Variants in PPP3CA observed in about 807,000 individuals in gnomAD.
PPP3CA encodes protein phosphatase 3 catalytic subunit alpha.
In PPP3CA, 14 loss-of-function variants were observed where a neutral mutation model predicts 66.5. The observed-to-expected ratio is 0.21, with a 90% CI of 0.14 to 0.33. The LOEUF (loss-of-function observed/expected upper bound fraction) is 0.33. Among genes scored for constraint, PPP3CA ranks in the 10% least tolerant of loss-of-function variants. The pLI is 1.00. For synonymous variants in PPP3CA, 232 were observed against 226.2 expected (o/e 1.03, Z -0.23); for missense variants, 317 against 639.5 (o/e 0.50, Z 5.44).
rs142454865 is a variant in PPP3CA, at chr4:101,156,051, G to A, written c.259+39865C>T. Among the ~76,000 whole-genome samples the A allele has an allele frequency of 6.0e-4, 91 of 152,298 alleles. 1 individual carries two copies. The highest frequency in any genetic ancestry group is 2.1e-3 in the African/African-American group (89 of 41,570). ...TGGTCAAGAGCTAGTAAAAGTCAGA[G>A]TGGGGTTTCACACCCAGACAGTCTG... is the stretch of plus-strand genomic sequence containing the variant. On this transcript the variant is annotated intron_variant, in intron 2 of 13. Transcript: ENST00000394854.
intron 12 of PPP3CA, among the ~76,000 whole-genome samples, chr4:101,029,551 T>G (rs1726844817): frequency 6.6e-6 from 1 of 151,978 alleles, no homozygotes; most frequent in Non-Finnish European, 1.5e-5. Context: ...CAACTGTGCT[T>G]CTGACTCACA....
chr4:101,026,206 C>T, intron 13 of PPP3CA, 145 bp from the exon 14 acceptor site: 2 of 629,170 alleles, frequency 3.2e-6, no homozygotes, highest in Non-Finnish European at 2.6e-6. Context: ...CTGCACACCA[C>T]ACAACAGACT....
At chr4:101,129,480 C>T (rs534908097) in intron 2 of PPP3CA, among the ~76,000 whole-genome samples, 11 of 152,314 alleles carry the variant, frequency 7.2e-5, no homozygotes, top group African/African-American at 2.6e-4. Context: ...GGTCAACAGA[C>T]ATCTCATATA....
chr4:101,246,868 G>A (rs1324783728), intron 1 of PPP3CA, among the ~76,000 whole-genome samples: 1 of 152,128 alleles, frequency 6.6e-6, no homozygotes, highest in Non-Finnish European at 1.5e-5. Flanking sequence ...CTCATTCTGA[G>A]CCAATTGACT....
chr4:101,142,345 T>G (rs562267350), intron 2 of PPP3CA, among the ~76,000 whole-genome samples: 1 of 152,192 alleles, frequency 6.6e-6, no homozygotes, highest in Non-Finnish European at 1.5e-5. Flanking sequence ...GCTTAGTGAA[T>G]CAGAAAAGAT....
intron 2 of PPP3CA, among the ~76,000 whole-genome samples, chr4:101,141,521 AC>A (rs1340622787): frequency 2.6e-5 from 4 of 152,194 alleles, no homozygotes; most frequent in African/African-American, 9.6e-5. Context: ...GCCAATTCTT[AC>A]CTCACGTCCT....
At chr4:101,172,156 G>A (rs1723904410) in intron 2 of PPP3CA, among the ~76,000 whole-genome samples, 1 of 152,142 alleles carries the variant, frequency 6.6e-6, no homozygotes, top group South Asian at 2.1e-4. Context: ...ATGACAGGCA[G>A]TGGAGGTATT....
At chr4:101,073,527 A>G (rs1299913153) in intron 8 of PPP3CA, among the ~76,000 whole-genome samples, 1 of 152,058 alleles carries the variant, frequency 6.6e-6, no homozygotes. Context: ...TGCCCGCCTC[A>G]GCCTCTCAAA....
chr4:101,044,327 T>C (rs983809831), intron 10 of PPP3CA, among the ~76,000 whole-genome samples: 38 of 152,330 alleles, frequency 2.5e-4, no homozygotes, highest in African/African-American at 8.9e-4. Flanking sequence ...AATAAGTACA[T>C]GTTTTTCAGA....
intron 2 of PPP3CA, among the ~76,000 whole-genome samples, chr4:101,125,115 G>C (rs1042411725): frequency 2.6e-5 from 4 of 152,096 alleles, no homozygotes; most frequent in African/African-American, 7.2e-5. Flanking sequence ...AGGCAGGGGG[G>C]GTATAAGATA....
At chr4:101,142,556 A>G (rs1722843913) in intron 2 of PPP3CA, among the ~76,000 whole-genome samples, 1 of 151,360 alleles carries the variant, frequency 6.6e-6, no homozygotes, top group South Asian at 2.1e-4. Context: ...CTCACAACCT[A>G]CTCCACCCAC....
At chr4:101,227,408 C>A (rs1304664301) in intron 1 of PPP3CA, among the ~76,000 whole-genome samples, 4 of 151,522 alleles carry the variant, frequency 2.6e-5, no homozygotes, top group Non-Finnish European at 5.9e-5. Context: ...CTCTCTTTTT[C>A]TTATTCTATA....
At chr4:101,099,997 A>C (rs1730370150) in intron 3 of PPP3CA, among the ~76,000 whole-genome samples, 1 of 152,018 alleles carries the variant, frequency 6.6e-6, no homozygotes, top group Admixed American at 6.6e-5. Context: ...CAGAAGGAGA[A>C]TTATGTGACC....
intron 1 of PPP3CA, among the ~76,000 whole-genome samples, chr4:101,313,415 G>A (rs550596818): frequency 6.6e-4 from 101 of 152,302 alleles, no homozygotes; most frequent in African/African-American, 2.4e-3. Context: ...TTTTCAAGAT[G>A]TATTATATTT....
intron 2 of PPP3CA, among the ~76,000 whole-genome samples, chr4:101,120,075 A>G (rs1162010045): frequency 1.3e-5 from 2 of 152,108 alleles, no homozygotes; most frequent in African/African-American, 4.8e-5. Context: ...TATCTGAAAA[A>G]TAAGTCTGAC....
intron 5 of PPP3CA, among the ~76,000 whole-genome samples, chr4:101,096,961 T>G (rs972285260): frequency 6.6e-6 from 1 of 152,062 alleles, no homozygotes; most frequent in Non-Finnish European, 1.5e-5. Context: ...AAAAAACAAT[T>G]AAATGGCAAT....
rs1163329750 is a variant in PPP3CA, at chr4:101,278,144, A to AAAAAAT, written c.58+68594_58+68595insATTTTT. 3.7e-3 allele frequency among the ~76,000 whole-genome samples: 531 copies of AAAAAAT among 145,066 alleles called. 7 individuals carry two copies. Among genetic ancestry groups the AAAAAAT allele is most frequent in the South Asian group, 9.3e-3 (43 of 4,648 alleles). Reference sequence around the variant, plus strand: ...TAGTAAAAAAAAAAAAAAAAATAAAAAAATTAAAAAGTTATTTTAACTACG... The same window carrying AAAAAAT: ...TAGTAAAAAAAAAAAAAAAAATAAAAAAAAATAAATTAAAAAGTTATTTTAACTACG... On this transcript the variant is annotated intron_variant, in intron 1 of 13. Transcript: ENST00000394854.
chr4:101,303,965 G>GT (rs530728652), intron 1 of PPP3CA, among the ~76,000 whole-genome samples: 1 of 152,086 alleles, frequency 6.6e-6, no homozygotes, highest in South Asian at 2.1e-4. Flanking sequence ...TTTCAAAACT[G>GT]TTTTTTGTTC....
At chr4:101,135,932 T>C (rs1428514950) in intron 2 of PPP3CA, among the ~76,000 whole-genome samples, 3 of 152,238 alleles carry the variant, frequency 2.0e-5, no homozygotes, top group Non-Finnish European at 4.4e-5. Flanking sequence ...TCAGCTATGA[T>C]ATATTGAACT....
Sources: allele counts gnomAD v4.1 joint callset (sites outside exome capture counted in the v4.1 genomes callset), GRCh38; gene constraint gnomAD v4.1.1; transcripts MANE v1.5; gene names NCBI Gene and HGNC (gene_info 2026-07-23, HGNC 2026-07-21).